Variants in ASIC2 observed in about 807,000 individuals in gnomAD.
The protein encoded by ASIC2 is acid-sensing ion channel 2.
ASIC2 carries 25 observed loss-of-function variants against 57.3 expected under a neutral mutation model. The observed-to-expected ratio is 0.44, with a 90% CI of 0.32 to 0.61. The LOEUF is 0.61. Ranked by LOEUF, ASIC2 falls within the 20% of genes least tolerant of loss-of-function variation. ASIC2 has a pLI of 0.06. For missense variants in ASIC2, 641 were observed against 738.1 expected (o/e 0.87, Z 1.52); for synonymous variants, 319 against 307.5 (o/e 1.04, Z -0.39).
intron 1 of ASIC2, among the ~76,000 whole-genome samples, chr17:33,391,322 A>G (rs993534950): frequency 6.6e-6 from 1 of 152,114 alleles, no homozygotes; most frequent in Non-Finnish European, 1.5e-5. Flanking sequence ...ATCTTTTACA[A>G]CTTGATCAGC....
At chr17:33,629,672 C>G (rs1228238616) in intron 1 of ASIC2, among the ~76,000 whole-genome samples, 1 of 152,066 alleles carries the variant, frequency 6.6e-6, no homozygotes, top group African/African-American at 2.4e-5. Flanking sequence ...AGCCATGGCC[C>G]TATAGTGCTA....
intron 1 of ASIC2, among the ~76,000 whole-genome samples, chr17:33,632,524 A>G (rs1300860857): frequency 1.3e-5 from 2 of 152,060 alleles, no homozygotes; most frequent in African/African-American, 2.4e-5. Flanking sequence ...ACCCTTGACC[A>G]TGAGCCCCGA....
At chr17:33,325,443 G>A (rs771985481) in intron 1 of ASIC2, among the ~76,000 whole-genome samples, 2 of 152,148 alleles carry the variant, frequency 1.3e-5, no homozygotes, top group Non-Finnish European at 1.5e-5. Context: ...AGATCTTGAG[G>A]CAGAAAGGAC....
chr17:34,099,111 AG>A (rs1489146452), intron 1 of ASIC2, among the ~76,000 whole-genome samples: 12,074 of 32,714 alleles, frequency 0.37, 1,167 homozygotes, highest in African/African-American at 0.49. Context: ...AAAGAGAGAG[AG>A]AGAGAGAGAG....
At chr17:33,212,005 G>A (rs1024162811) in intron 1 of ASIC2, among the ~76,000 whole-genome samples, 1 of 152,152 alleles carries the variant, frequency 6.6e-6, no homozygotes, top group Admixed American at 6.5e-5. Context: ...GAGGAAACAG[G>A]AGTCTCAGGA....
chr17:33,317,952 G>C (rs183707767), intron 1 of ASIC2, among the ~76,000 whole-genome samples: 14 of 151,736 alleles, frequency 9.2e-5, no homozygotes, highest in Non-Finnish European at 1.6e-4. Context: ...ATATGAGCTT[G>C]TAGGTGGGGC....
chr17:33,180,218 T>G (rs1050650866), intron 1 of ASIC2, among the ~76,000 whole-genome samples: 1 of 152,218 alleles, frequency 6.6e-6, no homozygotes, highest in Non-Finnish European at 1.5e-5. Flanking sequence ...CTTTTAGAAA[T>G]GTACCTGTTC....
chr17:33,137,665 G>A (rs1260876511), intron 1 of ASIC2, among the ~76,000 whole-genome samples: 1 of 152,172 alleles, frequency 6.6e-6, no homozygotes, highest in African/African-American at 2.4e-5. Flanking sequence ...GGCCTGCTCA[G>A]TGCTTACACC....
intron 1 of ASIC2, among the ~76,000 whole-genome samples, chr17:33,540,595 G>T (rs970906330): frequency 6.6e-6 from 1 of 152,050 alleles, no homozygotes; most frequent in South Asian, 2.1e-4. Context: ...ACCCATTTTC[G>T]CTGCCCTCAC....
intron 2 of ASIC2, among the ~76,000 whole-genome samples, chr17:33,098,896 G>GTA (rs771375075): frequency 6.8e-4 from 102 of 149,170 alleles, no homozygotes; most frequent in Middle Eastern, 3.5e-3. Context: ...TCTGCTTACA[G>GTA]TATATATATA....
chr17:33,528,705 C>G (rs1914962359), intron 1 of ASIC2, among the ~76,000 whole-genome samples: 1 of 152,196 alleles, frequency 6.6e-6, no homozygotes, highest in African/African-American at 2.4e-5. Context: ...GTTCAGGCCT[C>G]CCTTCCATCT....
chr17:33,228,131 A>G lies in ASIC2; in HGVS notation c.708+63277T>C, dbSNP rs7206929. Among the ~76,000 whole-genome samples, 990 of 152,324 alleles carry G rather than the reference A, an allele frequency of 6.5e-3. 11 individuals carry two copies. The highest frequency in any genetic ancestry group is 0.023 in the African/African-American group (948 of 41,566). On this transcript the variant is annotated intron_variant, in intron 1 of 9. Transcript: ENST00000225823. ...GTGTTGTCAGCACTTGGACAGAGCT[A>G]GAAAGCCTCCTGTGCTGTCTTATTG... is the stretch of plus-strand genomic sequence containing the variant.
intron 1 of ASIC2, chr17:34,005,166 A>G (rs1906482882): frequency 6.6e-6 from 1 of 150,530 alleles, no homozygotes; most frequent in South Asian, 2.1e-4. Context: ...CCTTTACCTA[A>G]CCTCCATCTA....
intron 2 of ASIC2, among the ~76,000 whole-genome samples, chr17:33,105,764 C>T (rs1443884138): frequency 1.3e-5 from 2 of 152,144 alleles, no homozygotes; most frequent in African/African-American, 2.4e-5. Flanking sequence ...GTGACATGGA[C>T]AATGAAGTCC....
At chr17:34,051,869 AGAGAG>A (rs1908577225) in intron 1 of ASIC2, 3 of 137,822 alleles carry the variant, frequency 2.2e-5, no homozygotes, top group Admixed American at 7.1e-5. Flanking sequence ...AGAGAGAGAG[AGAGAG>A]CGAGAGAGCG....
intron 1 of ASIC2, among the ~76,000 whole-genome samples, chr17:33,773,950 G>A (rs1032657729): frequency 1.3e-5 from 2 of 151,900 alleles, no homozygotes; most frequent in African/African-American, 2.4e-5. Flanking sequence ...GTACAGTCTT[G>A]AGCCACCATG....
At chr17:33,039,569 T>C (rs564570878) in intron 3 of ASIC2, among the ~76,000 whole-genome samples, 1 of 152,298 alleles carries the variant, frequency 6.6e-6, no homozygotes, top group Non-Finnish European at 1.5e-5. Context: ...GAGGATGCTG[T>C]GATTTTTGAA....
rs564417192 is a variant in ASIC2 at position 33,165,485 on chromosome 17, G to A, written c.709-53418C>T. ...TGTGTGTGTGCGTGCATGCGTGTGT[G>A]TGTGTGTATGCATATATTTGTGAAT... On this transcript the variant is annotated intron_variant, in intron 1 of 9. Transcript: ENST00000225823. Among the ~76,000 whole-genome samples the A allele has an allele frequency of 2.3e-3, 352 of 152,228 alleles. 4 individuals carry two copies. The highest frequency in any genetic ancestry group is 7.9e-3 in the African/African-American group (330 of 41,526).
At chr17:33,543,981 G>A (rs1915501773) in intron 1 of ASIC2, among the ~76,000 whole-genome samples, 1 of 152,190 alleles carries the variant, frequency 6.6e-6, no homozygotes, top group Admixed American at 6.5e-5. Context: ...TAAAGCTAGA[G>A]AACCTTTCCC....
Sources: gnomAD v4.1 joint callset for allele counts (sites outside exome capture counted in the v4.1 genomes callset) on GRCh38, gnomAD v4.1.1 for gene constraint, MANE v1.5 for transcripts, NCBI Gene and HGNC (gene_info 2026-07-23, HGNC 2026-07-21) for gene names.